The following SGCD variants were observed in gnomAD, a reference collection of about 807,000 sequenced individuals.
SGCD encodes delta-sarcoglycan.
A neutral mutation model predicts 36.6 loss-of-function variants in SGCD; 18 were observed. The ratio of observed to expected loss-of-function variants is 0.49; its 90% CI spans 0.34 to 0.73. SGCD has a LOEUF of 0.73. Ranked by LOEUF, SGCD falls within the 30% of genes least tolerant of loss-of-function variation. SGCD has a pLI of 0.01. For synonymous variants in SGCD, 133 were observed against 130.6 expected (o/e 1.02, Z -0.12); for missense variants, 387 against 346.7 (o/e 1.12, Z -0.92).
intron 3 of SGCD, among the ~76,000 whole-genome samples, chr5:156,392,203 A>G (rs1771608235): frequency 1.3e-5 from 2 of 152,182 alleles, no homozygotes; most frequent in South Asian, 4.1e-4. Flanking sequence ...TATCTACCCC[A>G]TCCATACATT....
chr5:156,344,392 C>T (rs1021902105), intron 2 of SGCD, 97 bp from the exon 3 acceptor site: 1 of 806,956 alleles, frequency 1.2e-6, no homozygotes, highest in Non-Finnish European at 1.9e-6. Flanking sequence ...AGCAGCCAGC[C>T]ATATCTCTTC....
intron 6 of SGCD, among the ~76,000 whole-genome samples, chr5:156,615,813 T>G (rs1039830727): frequency 6.6e-6 from 1 of 152,186 alleles, no homozygotes; most frequent in African/African-American, 2.4e-5. Context: ...GCCTATAAAA[T>G]CCAGCTGCGG....
At chr5:156,493,885 C>T (rs1259735571) in intron 3 of SGCD, among the ~76,000 whole-genome samples, 1 of 152,110 alleles carries the variant, frequency 6.6e-6, no homozygotes, top group Admixed American at 6.6e-5. Flanking sequence ...TTCTGGCACA[C>T]TCCCTTTCAC....
rs532340509 is a variant in SGCD at position 155,934,942 on chromosome 5, C to T, written c.-282+64518C>T. On this transcript the variant is annotated intron_variant, in intron 1 of 9. Coordinates refer to the SGCD transcript ENST00000517913. ...AAGTTCCTGCAGTAAGATGGATTCC[C>T]AGAGCTATCGTCAGCACCCAGTGTT... Among the ~76,000 whole-genome samples, 32 of 152,266 alleles carry T rather than the reference C, an allele frequency of 2.1e-4. 1 individual carries two copies. The highest frequency in any genetic ancestry group is 5.8e-4 in the East Asian group (3 of 5,174).
chr5:156,742,128 G>A (rs1004444098), intron 7 of SGCD, among the ~76,000 whole-genome samples: 4 of 152,010 alleles, frequency 2.6e-5, no homozygotes, highest in Non-Finnish European at 5.9e-5. Flanking sequence ...CACCCGCCTC[G>A]GCCTCCCAAA....
At chr5:156,363,827 T>C (rs182674400) in intron 3 of SGCD, among the ~76,000 whole-genome samples, 91 of 152,316 alleles carry the variant, frequency 6.0e-4, no homozygotes, top group African/African-American at 2.1e-3. Flanking sequence ...GTCTACCTGG[T>C]TGAAGGGAAA....
At chr5:155,808,552 G>A in the SGCD span, among the ~76,000 whole-genome samples, 1 of 152,196 alleles carries the variant, frequency 6.6e-6, no homozygotes, top group Non-Finnish European at 1.5e-5. Context: ...AAAATCCAGT[G>A]AAGATTGGAT....
intron 3 of SGCD, among the ~76,000 whole-genome samples, chr5:156,219,404 T>C (rs867246753): frequency 1.3e-5 from 2 of 152,208 alleles, no homozygotes; most frequent in Non-Finnish European, 2.9e-5. Context: ...TATGCATTTC[T>C]TTAATGAAGG....
Position 156,762,959 on chromosome 5 carries a change from A to C in SGCD, c.*3569A>C, listed in dbSNP as rs1757524344. The C allele has an allele frequency of 6.6e-6, 1 of 152,296 alleles. No individual in the cohort carries two copies. The highest frequency in any genetic ancestry group is 1.5e-5 in the Non-Finnish European group (1 of 68,036). 9.4% of individuals were successfully genotyped at this position (152,296 alleles called of 1,614,324 possible). On this transcript the variant is annotated 3_prime_UTR_variant, in exon 9 of 9. Transcript: ENST00000337851. The stretch of plus-strand genomic sequence containing the variant: ...TCTTTCAGGAAGGAAGCCCTTCCTT[A>C]TGTTACATGTGGAAAGCCTGCCTTC...
intron 3 of SGCD, among the ~76,000 whole-genome samples, chr5:156,508,123 A>T (rs948449002): frequency 8.5e-5 from 13 of 152,276 alleles, no homozygotes; most frequent in East Asian, 1.9e-4. Flanking sequence ...AAATATTTTT[A>T]AAAAATATTA....
intron 6 of SGCD, among the ~76,000 whole-genome samples, chr5:156,619,566 C>T (rs1445889557): frequency 6.6e-6 from 1 of 152,044 alleles, no homozygotes; most frequent in Non-Finnish European, 1.5e-5. Flanking sequence ...ATATTGTCTC[C>T]TTTCCTATTA....
At chr5:155,841,224 G>A in the SGCD span, among the ~76,000 whole-genome samples, 3 of 152,086 alleles carry the variant, frequency 2.0e-5, no homozygotes, top group Non-Finnish European at 2.9e-5. Flanking sequence ...TATATGACAA[G>A]GGAGCCTTCA....
intron 4 of SGCD, among the ~76,000 whole-genome samples, chr5:156,565,404 T>C (rs1759436122): frequency 6.6e-6 from 1 of 152,194 alleles, no homozygotes. Context: ...TTATTCTCTT[T>C]CAACTCATAT....
chr5:155,922,168 T>A (rs548295466), intron 1 of SGCD, among the ~76,000 whole-genome samples: 1 of 152,324 alleles, frequency 6.6e-6, no homozygotes, highest in African/African-American at 2.4e-5. Context: ...GTCCTTAAGA[T>A]GTTTGTTGAT....
At chr5:156,743,879 G>T (rs1756816907) in intron 7 of SGCD, among the ~76,000 whole-genome samples, 1 of 152,228 alleles carries the variant, frequency 6.6e-6, no homozygotes, top group South Asian at 2.1e-4. Context: ...TGACTTAAAA[G>T]TAGAACTTAT....
chr5:156,598,708 T>G (rs1311274624), intron 6 of SGCD, among the ~76,000 whole-genome samples: 1 of 152,222 alleles, frequency 6.6e-6, no homozygotes, highest in Non-Finnish European at 1.5e-5. Context: ...CTTTAAAATC[T>G]GACTTTGCAA....
chr5:156,487,825 G>GAAAA (rs1755757347), intron 3 of SGCD, among the ~76,000 whole-genome samples: 7 of 76,878 alleles, frequency 9.1e-5, no homozygotes, highest in South Asian at 4.6e-4. Flanking sequence ...AAGAAAGAAA[G>GAAAA]AAAAAGCTTA....
At chr5:156,506,961 A>G (rs1200887965) in intron 3 of SGCD, among the ~76,000 whole-genome samples, 1 of 152,190 alleles carries the variant, frequency 6.6e-6, no homozygotes, top group Non-Finnish European at 1.5e-5. Context: ...TAGTGAAATC[A>G]TGGGTCCTCT....
chr5:155,806,658 A>G, the SGCD span, among the ~76,000 whole-genome samples: 1 of 152,234 alleles, frequency 6.6e-6, no homozygotes, highest in Admixed American at 6.5e-5. Flanking sequence ...ACATACCTGT[A>G]GAGTAAGAAA....
Sources: gnomAD v4.1 joint callset for allele counts (sites outside exome capture counted in the v4.1 genomes callset) on GRCh38, gnomAD v4.1.1 for gene constraint, MANE v1.5 for transcripts, NCBI Gene and HGNC (gene_info 2026-07-23, HGNC 2026-07-21) for gene names.